The following MICU2 variants were observed in gnomAD, a reference collection of about 807,000 sequenced individuals.
MICU2 encodes the protein mitochondrial calcium uptake 2, also known as calcium uptake protein 2, mitochondrial.
A neutral mutation model predicts 60.4 loss-of-function variants in MICU2; 64 were observed. The observed-to-expected ratio is 1.06, with a 90% CI of 0.87 to 1.31. MICU2 has a LOEUF of 1.31. Among genes scored for constraint, MICU2 ranks in the 50% most tolerant of loss-of-function variants. The pLI is 0.00. For missense variants in MICU2, 569 were observed against 531.0 expected (o/e 1.07, Z -0.70); for synonymous variants, 201 against 175.0 (o/e 1.15, Z -1.17).
chr13:21,594,804 C>T (rs1269567627), intron 1 of MICU2, among the ~76,000 whole-genome samples: 1 of 152,134 alleles, frequency 6.6e-6, no homozygotes, highest in Non-Finnish European at 1.5e-5. Flanking sequence ...CACATGTTCT[C>T]ACTCATAAAT....
At chr13:21,561,555 A>ACGCT (rs1343225536) in intron 2 of MICU2, among the ~76,000 whole-genome samples, 1 of 151,784 alleles carries the variant, frequency 6.6e-6, no homozygotes, top group African/African-American at 2.4e-5. Flanking sequence ...AAAAATTACT[A>ACGCT]CGCAATGCCT....
intron 2 of MICU2, among the ~76,000 whole-genome samples, chr13:21,565,726 G>A (rs561594262): frequency 3.3e-5 from 5 of 152,166 alleles, no homozygotes; most frequent in South Asian, 2.1e-4. Flanking sequence ...CCAGCTACTC[G>A]GGAGGCTGAG....
intron 9 of MICU2, 101 bp from the exon 10 acceptor site, chr13:21,496,261 T>C: frequency 1.2e-6 from 1 of 835,574 alleles, no homozygotes; most frequent in East Asian, 2.7e-5. Flanking sequence ...ACTAGTATCA[T>C]TCTAAGAGGA....
At chr13:21,581,589 A>G (rs1245169655) in intron 1 of MICU2, among the ~76,000 whole-genome samples, 3 of 152,246 alleles carry the variant, frequency 2.0e-5, no homozygotes, top group Non-Finnish European at 4.4e-5. Context: ...AAGATGAATG[A>G]TAAAATGGTA....
chr13:21,493,411 A>G, intron 11 of MICU2, 58 bp from the exon 12 acceptor site: 1 of 1,213,198 alleles, frequency 8.2e-7, no homozygotes, highest in Non-Finnish European at 1.2e-6. Flanking sequence ...ACATGATTTC[A>G]TATATACTTT....
chr13:21,571,059 T>TAA, intron 1 of MICU2, among the ~76,000 whole-genome samples: 1 of 152,218 alleles, frequency 6.6e-6, no homozygotes, highest in African/African-American at 2.4e-5. Context: ...GTGCTCTCTC[T>TAA]TTTCCCAGTT....
chr13:21,563,646 A>G (rs964307725), intron 2 of MICU2, among the ~76,000 whole-genome samples: 4 of 151,810 alleles, frequency 2.6e-5, no homozygotes, highest in African/African-American at 9.7e-5. Flanking sequence ...CCTGTTCCTT[A>G]TATGTTACAC....
intron 7 of MICU2, among the ~76,000 whole-genome samples, chr13:21,511,069 C>G (rs1283822295): frequency 6.6e-6 from 1 of 152,000 alleles, no homozygotes; most frequent in East Asian, 1.9e-4. Context: ...TGGGATATAC[C>G]TTGGAGGGTG....
chr13:21,595,774 C>A (rs1888679291), intron 1 of MICU2, among the ~76,000 whole-genome samples: 1 of 152,356 alleles, frequency 6.6e-6, no homozygotes, highest in Admixed American at 6.5e-5. Flanking sequence ...ATAGGCACAG[C>A]CTCTTGGAAA....
At position 21,566,822 on chromosome 13, in the gene MICU2, G is replaced by C. The variant is rs1887994493; in HGVS notation, c.333C>G (p.Phe111Leu). ...EYYMTPRDFL[F>L]SVMFEQMERK... ...GTTCCATTTGCTCAAACATCACTGAGAAGAGGAAGTCTCGTGGTGTCATAT... is the reference window on the plus strand; with the variant it reads ...GTTCCATTTGCTCAAACATCACTGACAAGAGGAAGTCTCGTGGTGTCATAT... Residue 111 changes from phenylalanine (F) to leucine (L), a missense_variant, in exon 2 of 12, where the codon TTC (phenylalanine) becomes TTG (leucine). Transcript: ENST00000382374. 5 of 1,600,462 alleles carry C rather than the reference G, an allele frequency of 3.1e-6. No individual in the cohort carries two copies. The highest frequency in any genetic ancestry group is 3.4e-6 in the Non-Finnish European group (4 of 1,174,116).
chr13:21,573,604 T>C (rs1003971424), intron 1 of MICU2, among the ~76,000 whole-genome samples: 2 of 152,088 alleles, frequency 1.3e-5, no homozygotes, highest in Non-Finnish European at 2.9e-5. Flanking sequence ...ATACTAAGTA[T>C]GAACAATCCT....
chr13:21,565,297 G>T (rs533038396), intron 2 of MICU2, among the ~76,000 whole-genome samples: 50 of 152,160 alleles, frequency 3.3e-4, no homozygotes, highest in Non-Finnish European at 6.2e-4. Context: ...GGAGGCCAAG[G>T]GGGGTGGATT....
chr13:21,518,962 T>C (rs984670960), intron 6 of MICU2, among the ~76,000 whole-genome samples: 2 of 152,218 alleles, frequency 1.3e-5, no homozygotes, highest in Non-Finnish European at 2.9e-5. Flanking sequence ...CACGACTCTT[T>C]TGAAACTGCT....
At chr13:21,560,046 T>TA (rs1449600588) in intron 2 of MICU2, among the ~76,000 whole-genome samples, 4 of 152,140 alleles carry the variant, frequency 2.6e-5, no homozygotes, top group Non-Finnish European at 4.4e-5. Context: ...GTCCCTTTTT[T>TA]AAAAAAATTG....
chr13:21,600,302 G>A (rs1888785622), intron 1 of MICU2, among the ~76,000 whole-genome samples: 1 of 152,144 alleles, frequency 6.6e-6, no homozygotes, highest in African/African-American at 2.4e-5. Flanking sequence ...TCTCTGTAAA[G>A]CTATCTCCTT....
intron 2 of MICU2, among the ~76,000 whole-genome samples, chr13:21,547,429 T>C (rs1887442636): frequency 6.6e-6 from 1 of 152,204 alleles, no homozygotes; most frequent in Admixed American, 6.5e-5. Flanking sequence ...CCAGCCCTCA[T>C]AGATCTCTCT....
rs187074788 is a variant in MICU2 at position 21,531,342 on chromosome 13, C to G, written c.466+7960G>C. 2.8e-4 allele frequency: 425 copies of G among 1,496,192 alleles called. 1 individual carries two copies. In the African/African-American group the frequency reaches 5.4e-3, roughly 19 times the overall value. The allele number at this position is 1,496,192 out of a possible 1,614,324, so 92.7% of individuals were successfully genotyped here. On this transcript the variant is annotated intron_variant, in intron 4 of 11. Transcript: ENST00000382374. Reference sequence around the variant, plus strand: ...ACAGCAATAACACCAACCCGAAAAACTTGATGGAATGCTTTTATTTTTTAT... The same window carrying G: ...ACAGCAATAACACCAACCCGAAAAAGTTGATGGAATGCTTTTATTTTTTAT...
chr13:21,539,983 T>C (rs1306062482), intron 2 of MICU2, among the ~76,000 whole-genome samples: 2 of 152,220 alleles, frequency 1.3e-5, no homozygotes, highest in Non-Finnish European at 2.9e-5. Context: ...GTATGAATCA[T>C]ATTATTAATT....
At chr13:21,494,431 T>C (rs1168030474) in intron 11 of MICU2, among the ~76,000 whole-genome samples, 2 of 152,218 alleles carry the variant, frequency 1.3e-5, no homozygotes, top group Non-Finnish European at 2.9e-5. Flanking sequence ...CCCACAAGTA[T>C]AGACTCATAT....
Sources: allele counts gnomAD v4.1 joint callset (sites outside exome capture counted in the v4.1 genomes callset), GRCh38; gene constraint gnomAD v4.1.1; transcripts MANE v1.5; gene names NCBI Gene and HGNC (gene_info 2026-07-23, HGNC 2026-07-21).